NTN4: variants seen among roughly 807,000 people sequenced by gnomAD.
NTN4 encodes the protein netrin 4.
Under a neutral mutation model 73.6 loss-of-function variants are expected in NTN4, and 32 were observed. That is an observed-to-expected ratio of 0.44 (90% CI 0.33 to 0.58). The LOEUF (loss-of-function observed/expected upper bound fraction) is 0.58. NTN4 is among the 20% of genes least tolerant of loss of function. The pLI, the probability that NTN4 is intolerant of heterozygous loss-of-function variation, is 0.04. For synonymous variants in NTN4, 258 were observed against 287.5 expected (o/e 0.90, Z 1.04); for missense variants, 654 against 798.3 (o/e 0.82, Z 2.18).
intron 2 of NTN4, among the ~76,000 whole-genome samples, chr12:95,768,107 G>C (rs930557194): frequency 6.6e-6 from 1 of 152,148 alleles, no homozygotes; most frequent in Non-Finnish European, 1.5e-5. Context: ...TGGTTTACTT[G>C]AGCAATAGCT....
chr12:95,705,501 C>T (rs1320350775), intron 5 of NTN4, among the ~76,000 whole-genome samples: 1 of 152,174 alleles, frequency 6.6e-6, no homozygotes. Flanking sequence ...ATGGCCAGGA[C>T]TTTTTTCAGT....
intron 5 of NTN4, among the ~76,000 whole-genome samples, chr12:95,706,662 A>G (rs1402748238): frequency 6.6e-6 from 1 of 152,166 alleles, no homozygotes; most frequent in African/African-American, 2.4e-5. Context: ...GCCCCAATCA[A>G]TCCTCCAACG....
At chr12:95,750,783 C>T (rs997244387) in intron 2 of NTN4, among the ~76,000 whole-genome samples, 9 of 152,154 alleles carry the variant, frequency 5.9e-5, no homozygotes, top group South Asian at 2.1e-4. Context: ...CTCGCCAGGC[C>T]GAGCTAGGTC....
In NTN4 at chr12:95,789,867, C is replaced by T. The variant is rs1200163124; in HGVS notation, c.55+388G>A. The T allele has an allele frequency of 5.5e-6, 1 of 181,594 alleles. No homozygotes were observed. Among genetic ancestry groups the T allele is most frequent in the Admixed American group, 6.3e-5 (1 of 15,972 alleles). The allele number at this position is 181,594 out of a possible 1,614,324, so 11.2% of individuals were successfully genotyped here. A position where few individuals can be genotyped will look rare whatever the true frequency, so the allele number is the denominator to read the frequency against. On this transcript the variant is annotated intron_variant, in intron 1 of 9. Transcript: ENST00000343702. This position sits in a 1 kb window ranked among gnomAD's most constrained non-coding sequence, Gnocchi z 4.0. ...AGACCGGCCCCAGCCCACGCGCGCCCAGGGTCGCTGGGCCACCCCTCCTCA... is the reference window on the plus strand; with the variant it reads ...AGACCGGCCCCAGCCCACGCGCGCCTAGGGTCGCTGGGCCACCCCTCCTCA...
At chr12:95,729,273 T>A (rs1167700149) in intron 3 of NTN4, among the ~76,000 whole-genome samples, 1 of 151,646 alleles carries the variant, frequency 6.6e-6, no homozygotes, top group Non-Finnish European at 1.5e-5. Flanking sequence ...ATGTGAGCTA[T>A]CTTAAAGCTA....
intron 7 of NTN4, among the ~76,000 whole-genome samples, chr12:95,678,301 C>G (rs964191536): frequency 6.8e-6 from 1 of 147,998 alleles, no homozygotes; most frequent in Non-Finnish European, 1.5e-5. Context: ...ACATGTATAC[C>G]TATGTAACAA....
chr12:95,699,115 C>G (rs1385474136), intron 5 of NTN4, among the ~76,000 whole-genome samples: 1 of 150,936 alleles, frequency 6.6e-6, no homozygotes, highest in Non-Finnish European at 1.5e-5. Flanking sequence ...CAAACAGTTA[C>G]TTCATATTGA....
rs1176461855 is a variant in NTN4, at chr12:95,741,197, A to G, written c.586-3053T>C. Among the ~76,000 whole-genome samples the G allele has an allele frequency of 2.6e-5, 4 of 151,472 alleles. No individual in the cohort carries two copies. The East Asian group carries it at 7.7e-4, about 29-fold the overall frequency. On this transcript the variant is annotated intron_variant, in intron 2 of 9. Coordinates refer to ENST00000343702, the MANE Select transcript of NTN4 (RefSeq NM_021229.4). ...CCTTATCCTCCGGGAATGACTTCCA[A>G]GACCCCCAAGGGATGCCTGAAACTG...
chr12:95,660,927 A>G (rs965362737), intron 9 of NTN4, among the ~76,000 whole-genome samples: 3 of 152,356 alleles, frequency 2.0e-5, no homozygotes, highest in Non-Finnish European at 4.4e-5. Flanking sequence ...GGTTCAGGGC[A>G]GGAAGTTGAG....
intron 2 of NTN4, among the ~76,000 whole-genome samples, chr12:95,775,573 C>T (rs1406600608): frequency 6.6e-6 from 1 of 152,248 alleles, no homozygotes; most frequent in African/African-American, 2.4e-5. Context: ...CCCACAGAGC[C>T]TCACTCATTG....
chr12:95,737,881 T>C lies in NTN4; in HGVS notation c.849A>G (p.Pro283=). The C allele has an allele frequency of 6.2e-7, 1 of 1,611,548 alleles. No individual in the cohort carries two copies. ...PVHGFRPVKA[P]GTFHMVHGKC... is the part of the protein sequence containing the mutation. ...TTTCACCTACCATGTGGAATGTTCC[T>C]GGGGCCTTGACAGGTCTGAAGCCAT... Residue 283 remains proline, a synonymous_variant, in exon 3 of 10, where the codon CCA becomes CCG. Coordinates refer to ENST00000343702, the MANE Select transcript of NTN4 (RefSeq NM_021229.4).
chr12:95,735,769 GAAC>G lies in NTN4; in HGVS notation c.864+2094_864+2096del, dbSNP rs556442513. 1.2e-3 allele frequency among the ~76,000 whole-genome samples: 190 copies of G among 152,100 alleles called. 2 individuals are homozygous for G. Among genetic ancestry groups the G allele is most frequent in the African/African-American group, 4.3e-3 (177 of 41,504 alleles). On this transcript the variant is annotated intron_variant, in intron 3 of 9. Coordinates refer to ENST00000343702, the MANE Select transcript of NTN4 (RefSeq NM_021229.4). ...TAATTATCCATTGTTGAATTTGGCAGAACAAAGAGAAACTTCTAGAATTTTTAT... is the reference window on the plus strand; with the variant it reads ...TAATTATCCATTGTTGAATTTGGCAGAAAGAGAAACTTCTAGAATTTTTAT...
At chr12:95,681,890 A>G (rs2078318786) in intron 7 of NTN4, among the ~76,000 whole-genome samples, 1 of 152,118 alleles carries the variant, frequency 6.6e-6, no homozygotes, top group Non-Finnish European at 1.5e-5. Flanking sequence ...TATTTGGCTT[A>G]TATTTAGTTT....
intron 2 of NTN4, among the ~76,000 whole-genome samples, chr12:95,752,114 A>G (rs2078912765): frequency 6.6e-6 from 1 of 151,898 alleles, no homozygotes; most frequent in Admixed American, 6.6e-5. Flanking sequence ...TTACCATCTC[A>G]TTAAAACCTA....
At chr12:95,729,175 A>T (rs2078717318) in intron 3 of NTN4, among the ~76,000 whole-genome samples, 1 of 152,030 alleles carries the variant, frequency 6.6e-6, no homozygotes, top group Admixed American at 6.6e-5. Context: ...CACTTGATTC[A>T]TGTTTACTTG....
At chr12:95,674,525 G>A (rs969255145) in intron 7 of NTN4, among the ~76,000 whole-genome samples, 23 of 151,882 alleles carry the variant, frequency 1.5e-4, no homozygotes, top group Non-Finnish European at 3.1e-4. Context: ...AAAAAAAAAA[G>A]AGCATTGTTT....
chr12:95,692,250 G>A (rs931577130), intron 5 of NTN4, among the ~76,000 whole-genome samples: 3 of 152,042 alleles, frequency 2.0e-5, no homozygotes, highest in African/African-American at 7.2e-5. Flanking sequence ...TGGCCAGACT[G>A]GTCTCAAACT....
chr12:95,725,508 A>AT (rs1440908080), intron 3 of NTN4, among the ~76,000 whole-genome samples: 1 of 152,172 alleles, frequency 6.6e-6, no homozygotes, highest in Admixed American at 6.5e-5. Flanking sequence ...TCTTACAAAG[A>AT]TTTTTTTAAA....
chr12:95,702,556 T>C (rs946406260), intron 5 of NTN4, among the ~76,000 whole-genome samples: 11 of 152,260 alleles, frequency 7.2e-5, no homozygotes, highest in African/African-American at 2.6e-4. Flanking sequence ...AGTGAAAACA[T>C]ACACAGCCCT....
Sources: allele counts gnomAD v4.1 joint callset (sites outside exome capture counted in the v4.1 genomes callset), GRCh38; gene constraint gnomAD v4.1.1; non-coding constraint Gnocchi (gnomAD v3.1); transcripts MANE v1.5; gene names NCBI Gene and HGNC (gene_info 2026-07-23, HGNC 2026-07-21).